Variants in BRCC3 observed in about 807,000 individuals in gnomAD.
BRCC3 encodes the protein BRCA1/BRCA2-containing complex subunit 3.
BRCC3 carries 15 observed loss-of-function variants against 28.0 expected under a neutral mutation model. The observed-to-expected ratio is 0.54, with a 90% CI of 0.36 to 0.82. BRCC3 has a LOEUF of 0.82. BRCC3 is among the 40% of genes least tolerant of loss of function. The pLI is 0.01. For synonymous variants in BRCC3, 66 were observed against 80.3 expected, an observed-to-expected ratio of 0.82 and a Z score of 0.95; for missense variants, 109 against 225.9, an observed-to-expected ratio of 0.48 and a Z score of 3.32.
Position 155,120,052 on chromosome X carries a change from C to T in BRCC3, c.778C>T (p.Gln260Ter). Reference sequence around the variant, plus strand: ...GTCGGCAGTCAGCGGGCCTCTCCTACAGTGGTTGGAGGACAGACTGGAGCA... The same window carrying T: ...GTCGGCAGTCAGCGGGCCTCTCCTATAGTGGTTGGAGGACAGACTGGAGCA... ...QMSAVSGPLL[Q>*]WLEDRLEQNQ... is the part of the protein sequence containing the mutation. Residue 260 changes from glutamine (Q) to a stop codon, truncating the protein, a stop_gained, in exon 10 of 11, where the codon CAG becomes TAG. Coordinates refer to ENST00000330045, the MANE Select transcript of BRCC3 (RefSeq NM_001018055.3). LOFTEE classifies it high-confidence loss of function. 2 of 1,209,182 alleles carry T rather than the reference C, an allele frequency of 1.7e-6. No individual in the cohort carries two copies. Among genetic ancestry groups the T allele is most frequent in the Non-Finnish European group, 2.2e-6 (2 of 893,564 alleles).
chrX:155,120,756 T>C (rs1557299319), intron 10 of BRCC3, among the ~76,000 whole-genome samples: 1 of 111,770 alleles, frequency 8.9e-6, no homozygotes, highest in African/African-American at 3.3e-5. Context: ...TAAACTCCTA[T>C]TGAGCAGATC....
At chrX:155,077,347 C>T (rs2074052570) in intron 4 of BRCC3, 58 bp downstream of exon 4, 3 of 1,068,300 alleles carry the variant, frequency 2.8e-6, no homozygotes, top group Non-Finnish European at 3.7e-6. Context: ...GGCCGCATTG[C>T]TGCTTGCTGC....
At chrX:155,091,794 T>TAA (rs1186835284) in intron 7 of BRCC3, among the ~76,000 whole-genome samples, 1 of 98,088 alleles carries the variant, frequency 1.0e-5, no homozygotes, top group African/African-American at 3.7e-5. Context: ...ATGCAGCCGT[T>TAA]AAAAAAAAAA....
intron 7 of BRCC3, among the ~76,000 whole-genome samples, chrX:155,110,310 T>TAACA (rs1277996628): frequency 1.8e-4 from 20 of 111,657 alleles, no homozygotes; most frequent in African/African-American, 6.5e-4. Context: ...TGATAGAATG[T>TAACA]AACAGATTAG....
intron 4 of BRCC3, 45 bp from the exon 5 acceptor site, chrX:155,078,571 C>T: frequency 1.0e-6 from 1 of 962,479 alleles, no homozygotes; most frequent in Non-Finnish European, 1.5e-6. Flanking sequence ...TTATTAGCAT[C>T]ATAAATTTTG....
At chrX:155,096,600 A>C (rs2074211444) in intron 7 of BRCC3, among the ~76,000 whole-genome samples, 1 of 112,162 alleles carries the variant, frequency 8.9e-6, no homozygotes, top group South Asian at 3.7e-4. Flanking sequence ...TCATCTACAG[A>C]TCCAGTGTAA....
chrX:155,083,115 T>C (rs948525880), intron 5 of BRCC3, among the ~76,000 whole-genome samples: 1 of 112,308 alleles, frequency 8.9e-6, no homozygotes, highest in Non-Finnish European at 1.9e-5. Context: ...AATTAACAAA[T>C]GTGAGTCAAA....
At chrX:155,120,637 C>G (rs2074383502) in intron 10 of BRCC3, among the ~76,000 whole-genome samples, 1 of 110,992 alleles carries the variant, frequency 9.0e-6, no homozygotes, top group African/African-American at 3.3e-5. Context: ...AGGGCAGTGT[C>G]TTCCTTCTTG....
intron 7 of BRCC3, among the ~76,000 whole-genome samples, chrX:155,092,380 G>C (rs2074180461): frequency 1.8e-5 from 2 of 111,705 alleles, no homozygotes; most frequent in South Asian, 7.4e-4. Context: ...TATTTTCACA[G>C]TTGTAAGCAT....
intron 5 of BRCC3, among the ~76,000 whole-genome samples, chrX:155,087,068 G>C (rs1000521820): frequency 7.2e-5 from 8 of 111,845 alleles, no homozygotes; most frequent in African/African-American, 2.3e-4. Flanking sequence ...AAGGGCGAGA[G>C]GTGCAGGGTC....
At chrX:155,092,266 A>G (rs1011777452) in intron 7 of BRCC3, among the ~76,000 whole-genome samples, 1 of 111,738 alleles carries the variant, frequency 8.9e-6, no homozygotes, top group African/African-American at 3.3e-5. Context: ...TCTGTTGGTT[A>G]CTTTTCTAAT....
Position 155,077,306 on chromosome X carries a change from A to G in BRCC3, c.315+17A>G. The G allele has an allele frequency of 1.7e-6, 2 of 1,166,279 alleles. No individual in the cohort carries two copies. Among genetic ancestry groups the G allele is most frequent in the Non-Finnish European group, 2.3e-6 (2 of 866,729 alleles). ...GAGGCAGAGATATCCTTACTGGTCA[A>G]TAGAAGCTTTTATGTGCTCTGGGGT... On this transcript the variant is annotated intron_variant, in intron 4 of 10. Transcript: ENST00000330045.
chrX:155,112,389 A>G (rs1282415669), intron 7 of BRCC3, among the ~76,000 whole-genome samples: 2 of 112,480 alleles, frequency 1.8e-5, no homozygotes, highest in Non-Finnish European at 3.8e-5. Context: ...TTAGAGCAGG[A>G]TGGCGTAAGA....
intron 7 of BRCC3, among the ~76,000 whole-genome samples, chrX:155,113,807 T>A (rs1557298409): frequency 8.9e-6 from 1 of 111,926 alleles, no homozygotes; most frequent in Non-Finnish European, 1.9e-5. Context: ...AAAAATCTGA[T>A]TTTAAAATGG....
chrX:155,078,022 G>A (rs148161869), intron 4 of BRCC3, among the ~76,000 whole-genome samples: 12 of 112,203 alleles, frequency 1.1e-4, no homozygotes, highest in African/African-American at 3.6e-4. Context: ...ATTACTATTT[G>A]TTAAGCACTT....
chrX:155,078,545 G>T (rs1041069607), intron 4 of BRCC3, 71 bp from the exon 5 acceptor site: 1 of 675,695 alleles, frequency 1.5e-6, no homozygotes, highest in African/African-American at 2.2e-5. Flanking sequence ...TAAACTTCAG[G>T]GTGCTTTCTG....
rs2074050955 is a variant in BRCC3 at position 155,077,156 on chromosome X, G to T, written c.196-14G>T. On this transcript the variant is annotated splice_polypyrimidine_tract_variant and intron_variant, in intron 3 of 10. Coordinates refer to ENST00000330045, the MANE Select transcript of BRCC3 (RefSeq NM_001018055.3). Reference sequence around the variant, plus strand: ...GAGAGCTGTAAGTAACCATTTCTGTGGATTTTCCTTTAGGTTGATGCCGTC... The same window carrying T: ...GAGAGCTGTAAGTAACCATTTCTGTTGATTTTCCTTTAGGTTGATGCCGTC... 1.1e-5 allele frequency: 13 copies of T among 1,162,395 alleles called. No homozygotes were observed. Among genetic ancestry groups the T allele is most frequent in the Non-Finnish European group, 1.5e-5 (13 of 864,429 alleles).
chrX:155,120,006 C>G lies in BRCC3; in HGVS notation c.732C>G (p.Thr244=). 1.7e-6 allele frequency: 2 copies of G among 1,202,114 alleles called. No individual in the cohort carries two copies. The highest frequency in any genetic ancestry group is 2.2e-6 in the Non-Finnish European group (2 of 891,925). Residue 244 remains threonine, a synonymous_variant, in exon 10 of 11, where the codon ACC becomes ACG. Transcript: ENST00000330045. ...VTKIHNGSVF[T]KNLCSQMSAV... ...TTATTTTTCCTATTGAAGTGTTTACCAAGAATCTGTGCAGTCAGATGTCGG... is the reference window on the plus strand; with the variant it reads ...TTATTTTTCCTATTGAAGTGTTTACGAAGAATCTGTGCAGTCAGATGTCGG...
intron 1 of BRCC3, 150 bp downstream of exon 1, chrX:155,071,800 G>A (rs868916155): frequency 4.2e-5 from 29 of 693,209 alleles, no homozygotes; most frequent in Non-Finnish European, 2.1e-6. Context: ...GTCGCGGGGA[G>A]CCCCGTTTCT....
Sources: allele counts gnomAD v4.1 joint callset (sites outside exome capture counted in the v4.1 genomes callset), GRCh38; gene constraint gnomAD v4.1.1; transcripts MANE v1.5; gene names NCBI Gene and HGNC (gene_info 2026-07-23, HGNC 2026-07-21).